SLC24A4: variants seen among roughly 807,000 people sequenced by gnomAD.
SLC24A4 encodes sodium/potassium/calcium exchanger 4.
A neutral mutation model predicts 79.0 loss-of-function variants in SLC24A4; 53 were observed. That is an observed-to-expected ratio of 0.67 (90% CI 0.54 to 0.84). The LOEUF (loss-of-function observed/expected upper bound fraction) is 0.84, where lower values mean the gene tolerates loss of function less well. SLC24A4 is among the 40% of genes least tolerant of loss of function. SLC24A4 has a pLI of 0.00. For synonymous variants in SLC24A4, 323 were observed against 323.8 expected (o/e 1.00, Z 0.03); for missense variants, 731 against 822.0 (o/e 0.89, Z 1.35).
chr14:92,447,355 C>T lies in SLC24A4; in HGVS notation c.684-16C>T, dbSNP rs762392061. Reference sequence around the variant, plus strand: ...GGGCCCCGAGCTCTAACCGCAATCTCCTTTCTCTCTTTGAGGTGGGAAGGC... The same window carrying T: ...GGGCCCCGAGCTCTAACCGCAATCTTCTTTCTCTCTTTGAGGTGGGAAGGC... On this transcript the variant is annotated splice_polypyrimidine_tract_variant and intron_variant, in intron 8 of 16. Transcript: ENST00000532405. The T allele has an allele frequency of 2.5e-6, 4 of 1,613,964 alleles. No individual in the cohort carries two copies. In the Admixed American group the frequency reaches 6.7e-5, roughly 27 times the overall value.
chr14:92,436,636 G>C (rs555971421), intron 3 of SLC24A4, among the ~76,000 whole-genome samples: 6 of 152,250 alleles, frequency 3.9e-5, no homozygotes, highest in African/African-American at 1.4e-4. Flanking sequence ...GATGAATGCT[G>C]ACCTCTTCTT....
chr14:92,483,737 G>C (rs372291679), intron 13 of SLC24A4: 3 of 1,289,878 alleles, frequency 2.3e-6, no homozygotes, highest in South Asian at 1.2e-5. Context: ...GGAGCAAAGA[G>C]AGGGGAAGCA....
chr14:92,484,614 C>T lies in SLC24A4; in HGVS notation c.1422+1768C>T, dbSNP rs572087236. The T allele has an allele frequency of 6.3e-5, 62 of 985,408 alleles. No homozygotes were observed. The African/African-American group carries it at 9.9e-4, about 16-fold the overall frequency. 61.0% of individuals were successfully genotyped at this position (985,408 alleles called of 1,614,324 possible). A position where few individuals can be genotyped will look rare whatever the true frequency, so the allele number is the denominator to read the frequency against. On this transcript the variant is annotated intron_variant, in intron 13 of 16. Coordinates refer to ENST00000532405, the MANE Select transcript of SLC24A4 (RefSeq NM_153646.4). The stretch of plus-strand genomic sequence containing the variant: ...GAACCACTCCAAGCCTCCAGGACCC[C>T]AGCATCTGCCCCAGCCCCAGGCACT...
rs541352962 is a variant in SLC24A4 at position 92,324,536 on chromosome 14, C to T, written c.130+576C>T. ...GAGGGAGAAGGCGGGTGTGTGGAGCCTCGACCCATGCCCCCTCCTCCAAGA... is the reference window on the plus strand; with the variant it reads ...GAGGGAGAAGGCGGGTGTGTGGAGCTTCGACCCATGCCCCCTCCTCCAAGA... On this transcript the variant is annotated intron_variant, in intron 1 of 16. Coordinates refer to ENST00000532405, the MANE Select transcript of SLC24A4 (RefSeq NM_153646.4). 2.0e-5 allele frequency among the ~76,000 whole-genome samples: 3 copies of T among 152,332 alleles called. No homozygotes were observed. In the South Asian group the frequency reaches 6.2e-4, roughly 32 times the overall value.
intron 2 of SLC24A4, among the ~76,000 whole-genome samples, chr14:92,329,013 G>T (rs1027512366): frequency 6.6e-6 from 1 of 152,260 alleles, no homozygotes; most frequent in Non-Finnish European, 1.5e-5. Flanking sequence ...TCAGGGGTGT[G>T]ACAGACGCTG....
chr14:92,368,044 CT>C (rs1887950250), intron 2 of SLC24A4, among the ~76,000 whole-genome samples: 1 of 152,186 alleles, frequency 6.6e-6, no homozygotes, highest in Non-Finnish European at 1.5e-5. Context: ...GATGACAAAG[CT>C]GGTTCTAGGA....
chr14:92,390,632 C>T (rs995700284), intron 2 of SLC24A4, among the ~76,000 whole-genome samples: 9 of 152,286 alleles, frequency 5.9e-5, no homozygotes, highest in African/African-American at 2.2e-4. Context: ...CCAGAATGGG[C>T]GGGGGCTCCT....
chr14:92,474,843 G>GTGTGTGTGTGTGTATATATC (rs779007741), intron 12 of SLC24A4, among the ~76,000 whole-genome samples: 1 of 23,884 alleles, frequency 4.2e-5, no homozygotes, highest in Non-Finnish European at 1.2e-4. Context: ...GTGTGTGTGT[G>GTGTGTGTGTGTGTATATATC]TATATATATA....
chr14:92,397,354 C>A (rs1409320044), intron 2 of SLC24A4, among the ~76,000 whole-genome samples: 1 of 152,172 alleles, frequency 6.6e-6, no homozygotes, highest in Non-Finnish European at 1.5e-5. Context: ...TGTGGAGCGA[C>A]CATCTGTGAC....
chr14:92,363,191 G>A (rs904953175), intron 2 of SLC24A4, among the ~76,000 whole-genome samples: 3 of 152,174 alleles, frequency 2.0e-5, no homozygotes, highest in African/African-American at 7.2e-5. Context: ...CCCGTGCCTC[G>A]AGGACCAGCC....
intron 2 of SLC24A4, among the ~76,000 whole-genome samples, chr14:92,330,375 CA>C (rs1885399983): frequency 6.6e-6 from 1 of 152,146 alleles, no homozygotes; most frequent in Non-Finnish European, 1.5e-5. Context: ...TATTTTTGCT[CA>C]ATGATGTCTA....
chr14:92,393,798 G>A (rs1299675353), intron 2 of SLC24A4, among the ~76,000 whole-genome samples: 1 of 152,006 alleles, frequency 6.6e-6, no homozygotes, highest in African/African-American at 2.4e-5. Flanking sequence ...ATCACCTGAG[G>A]TCAGGGCTTT....
chr14:92,499,109 G>C lies in SLC24A4; in HGVS notation c.*5481G>C, dbSNP rs1896043491. The C allele has an allele frequency of 6.6e-6, 1 of 152,276 alleles. No homozygotes were observed. The highest frequency in any genetic ancestry group is 6.5e-5 in the Admixed American group (1 of 15,286). 9.4% of individuals were successfully genotyped at this position (152,276 alleles called of 1,614,324 possible). A position where few individuals can be genotyped will look rare whatever the true frequency, so the allele number is the denominator to read the frequency against. Reference sequence around the variant, plus strand: ...TGACAAATGGCTCCCAGGTGCCATAGTCTCTGTTAAATCCTCAAACATTCA... The same window carrying C: ...TGACAAATGGCTCCCAGGTGCCATACTCTCTGTTAAATCCTCAAACATTCA... On this transcript the variant is annotated 3_prime_UTR_variant, in exon 17 of 17. Coordinates refer to ENST00000532405, the MANE Select transcript of SLC24A4 (RefSeq NM_153646.4).
At chr14:92,467,808 G>T (rs78795710) in intron 12 of SLC24A4, among the ~76,000 whole-genome samples, 23,711 of 152,178 alleles carry the variant, frequency 0.16, 2,123 homozygotes, top group African/African-American at 0.24. Flanking sequence ...CACACGAGCT[G>T]CCTTATGCTA....
chr14:92,347,372 G>A (rs558079282), intron 2 of SLC24A4, among the ~76,000 whole-genome samples: 6 of 152,316 alleles, frequency 3.9e-5, no homozygotes, highest in South Asian at 2.1e-4. Flanking sequence ...GGGCAGAGTC[G>A]AAGACACTGA....
In SLC24A4 at chr14:92,398,672, G is replaced by A. The variant is rs984660901; in HGVS notation, c.242-35240G>A. ...GGCTCAGAACATACCCCTTCCTCGT[G>A]TTAGCCAAAGCGAGAAGGGGGGTTA... is the stretch of plus-strand genomic sequence containing the variant. On this transcript the variant is annotated intron_variant, in intron 2 of 16. Transcript: ENST00000532405. The surrounding 1 kb of genome is among the most constrained non-coding windows in gnomAD (Gnocchi z 4.1). 2.6e-4 allele frequency among the ~76,000 whole-genome samples: 40 copies of A among 152,152 alleles called. No homozygotes were observed. Among genetic ancestry groups the A allele is most frequent in the African/African-American group, 9.4e-4 (39 of 41,410 alleles).
At chr14:92,448,216 A>G (rs1465907417) in intron 9 of SLC24A4, among the ~76,000 whole-genome samples, 2 of 152,202 alleles carry the variant, frequency 1.3e-5, no homozygotes, top group African/African-American at 4.8e-5. Context: ...GGATGATACA[A>G]ATGGTTTGGG....
chr14:92,370,193 A>G (rs1233812598), intron 2 of SLC24A4, among the ~76,000 whole-genome samples: 2 of 152,210 alleles, frequency 1.3e-5, no homozygotes, highest in East Asian at 3.9e-4. Context: ...GAATTTAAAC[A>G]CAGTTGAAGA....
intron 12 of SLC24A4, among the ~76,000 whole-genome samples, chr14:92,479,423 T>C (rs1478611185): frequency 6.6e-6 from 1 of 152,242 alleles, no homozygotes; most frequent in African/African-American, 2.4e-5. Flanking sequence ...GAAAGAGTGT[T>C]GAATTTTGTC....
Sources: allele counts gnomAD v4.1 joint callset (sites outside exome capture counted in the v4.1 genomes callset), GRCh38; gene constraint gnomAD v4.1.1; non-coding constraint Gnocchi (gnomAD v3.1); transcripts MANE v1.5; gene names NCBI Gene and HGNC (gene_info 2026-07-23, HGNC 2026-07-21).